SMYD3: variants seen among roughly 807,000 people sequenced by gnomAD.
SMYD3 encodes the protein SET and MYND domain containing 3.
A neutral mutation model predicts 57.7 loss-of-function variants in SMYD3; 36 were observed. The observed-to-expected ratio is 0.62, with a 90% CI of 0.48 to 0.82. The LOEUF is 0.82. SMYD3 is among the 40% of genes least tolerant of loss of function. The pLI is 0.00. For missense variants in SMYD3, 515 were observed against 538.8 expected (o/e 0.96, Z 0.44); for synonymous variants, 211 against 195.0 (o/e 1.08, Z -0.68).
chr1:246,118,101 C>T (rs947300454), intron 5 of SMYD3, among the ~76,000 whole-genome samples: 2 of 151,956 alleles, frequency 1.3e-5, no homozygotes. Context: ...TTCTCTGCAA[C>T]GAGGTATATA....
intron 8 of SMYD3, among the ~76,000 whole-genome samples, chr1:245,868,841 G>T (rs191893475): frequency 6.6e-6 from 1 of 152,026 alleles, no homozygotes; most frequent in Non-Finnish European, 1.5e-5. Flanking sequence ...GGTCTGTCAC[G>T]TCTCCCCTCT....
At chr1:245,972,585 C>A (rs750145527) in intron 5 of SMYD3, among the ~76,000 whole-genome samples, 18 of 152,232 alleles carry the variant, frequency 1.2e-4, no homozygotes, top group Non-Finnish European at 2.2e-4. Flanking sequence ...TCCCAGGGCA[C>A]AGGCCTGAAC....
chr1:245,928,021 G>T lies in SMYD3; in HGVS notation c.612C>A (p.Leu204=). ...GVGLYPSISL[L]NHSCDPNCSI... ...AACAGTTGGGGTCACAGCTGTGATT[G>T]AGCAAAGAGATACTGGAAAAAAAAA... Residue 204 remains leucine (L), a synonymous_variant, in exon 7 of 12, where the codon CTC becomes CTA. Coordinates refer to ENST00000490107, the MANE Select transcript of SMYD3 (RefSeq NM_001167740.2). 6.2e-7 allele frequency: 1 copy of T among 1,611,460 alleles called. No individual in the cohort carries two copies. Among genetic ancestry groups the T allele is most frequent in the South Asian group, 1.1e-5 (1 of 90,980 alleles).
At chr1:246,411,100 G>A (rs1008334722) in intron 1 of SMYD3, among the ~76,000 whole-genome samples, 1 of 151,500 alleles carries the variant, frequency 6.6e-6, no homozygotes, top group Non-Finnish European at 1.5e-5. Flanking sequence ...CAATTTTGTT[G>A]ATCTTTTCAA....
intron 1 of SMYD3, among the ~76,000 whole-genome samples, chr1:246,377,046 A>T (rs902475098): frequency 2.0e-5 from 3 of 152,004 alleles, no homozygotes; most frequent in African/African-American, 7.3e-5. Flanking sequence ...GTTGCAGTAA[A>T]CCGAGATCAC....
At chr1:245,974,461 C>G (rs1188334521) in intron 5 of SMYD3, among the ~76,000 whole-genome samples, 1 of 152,158 alleles carries the variant, frequency 6.6e-6, no homozygotes, top group Admixed American at 6.5e-5. Flanking sequence ...CTATGCCAAC[C>G]TCCTAAAGCC....
intron 8 of SMYD3, among the ~76,000 whole-genome samples, chr1:245,888,751 T>C (rs761515618): frequency 9.8e-5 from 15 of 152,324 alleles, no homozygotes; most frequent in Non-Finnish European, 1.6e-4. Flanking sequence ...ATGCAATCAA[T>C]AACATGCAGA....
chr1:245,979,004 C>T (rs1280882902), intron 5 of SMYD3, among the ~76,000 whole-genome samples: 1 of 152,140 alleles, frequency 6.6e-6, no homozygotes, highest in Non-Finnish European at 1.5e-5. Flanking sequence ...GTGACTACTA[C>T]CGTATATCAG....
chr1:245,952,051 G>A (rs1438575153), intron 5 of SMYD3, among the ~76,000 whole-genome samples: 3 of 139,850 alleles, frequency 2.1e-5, no homozygotes, highest in African/African-American at 8.7e-5. Context: ...ATTTAGATTA[G>A]AATTTGCCGT....
intron 5 of SMYD3, among the ~76,000 whole-genome samples, chr1:246,161,146 C>A (rs1334397462): frequency 6.6e-6 from 1 of 152,150 alleles, no homozygotes; most frequent in African/African-American, 2.4e-5. Context: ...TTTGCAGAGT[C>A]CTCTACAAAT....
chr1:246,390,707 G>A (rs1400713374), intron 1 of SMYD3, among the ~76,000 whole-genome samples: 1 of 151,982 alleles, frequency 6.6e-6, no homozygotes, highest in African/African-American at 2.4e-5. Context: ...CAAAAATTAT[G>A]AATATTTTAC....
intron 1 of SMYD3, among the ~76,000 whole-genome samples, chr1:246,475,329 G>GAAA (rs573868002): frequency 1.9e-4 from 20 of 103,030 alleles, no homozygotes; most frequent in African/African-American, 5.6e-4. Flanking sequence ...GACTGTCTCA[G>GAAA]AAAAAAAAAA....
intron 5 of SMYD3, among the ~76,000 whole-genome samples, chr1:246,056,559 C>T (rs1358444098): frequency 6.6e-6 from 1 of 151,794 alleles, no homozygotes; most frequent in Non-Finnish European, 1.5e-5. Flanking sequence ...AATGTTCTCC[C>T]TACGTGTGAT....
chr1:246,211,318 T>C (rs1249680877), intron 5 of SMYD3, among the ~76,000 whole-genome samples: 1 of 152,200 alleles, frequency 6.6e-6, no homozygotes. Flanking sequence ...GTCGTTAGCA[T>C]GAATTATCAT....
In SMYD3 at chr1:245,995,836, T is replaced by G. The variant is rs143912370; in HGVS notation, c.532-65899A>C. 2.6e-4 allele frequency among the ~76,000 whole-genome samples: 40 copies of G among 152,140 alleles called. No individual in the cohort carries two copies. In the East Asian group the frequency reaches 7.8e-3, roughly 30 times the overall value. On this transcript the variant is annotated intron_variant, in intron 5 of 11. Transcript: ENST00000490107. ...TGGCAAGGATGCATCAGAGAGCCAA[T>G]AGACATGCACAGGGGGCAGGCCAAG...
intron 10 of SMYD3, among the ~76,000 whole-genome samples, chr1:245,829,407 A>G (rs2049703991): frequency 1.3e-5 from 2 of 152,176 alleles, no homozygotes; most frequent in South Asian, 4.1e-4. Context: ...GACAACAGGC[A>G]AATTCAAATT....
At chr1:245,751,135 A>G (rs890862578) in intron 11 of SMYD3, among the ~76,000 whole-genome samples, 4 of 152,218 alleles carry the variant, frequency 2.6e-5, no homozygotes, top group African/African-American at 7.2e-5. Context: ...CTTATAAACC[A>G]TTATTTACTA....
intron 1 of SMYD3, among the ~76,000 whole-genome samples, chr1:246,386,975 A>G (rs1354539573): frequency 1.3e-5 from 2 of 152,192 alleles, no homozygotes; most frequent in African/African-American, 4.8e-5. Context: ...AGGCCAGTAC[A>G]TTAATATCCT....
intron 10 of SMYD3, among the ~76,000 whole-genome samples, chr1:245,785,874 T>A (rs2047019035): frequency 6.6e-6 from 1 of 151,898 alleles, no homozygotes; most frequent in African/African-American, 2.4e-5. Flanking sequence ...AATTTTATTT[T>A]TTTTATTTTT....
Sources: gnomAD v4.1 joint callset for allele counts (sites outside exome capture counted in the v4.1 genomes callset) on GRCh38, gnomAD v4.1.1 for gene constraint, MANE v1.5 for transcripts, NCBI Gene and HGNC (gene_info 2026-07-23, HGNC 2026-07-21) for gene names.